Variants in AUH observed in about 807,000 individuals in gnomAD.
AUH encodes the protein methylglutaconyl-CoA hydratase, mitochondrial.
In AUH, 29 loss-of-function variants were observed where a neutral mutation model predicts 42.3. The ratio of observed to expected loss-of-function variants is 0.69; its 90% confidence interval spans 0.51 to 0.93. The LOEUF (loss-of-function observed/expected upper bound fraction) is 0.93. AUH is among the 40% of genes least tolerant of loss of function. The pLI is 0.00. For synonymous variants in AUH, 174 were observed against 166.4 expected (o/e 1.05, Z -0.35); for missense variants, 452 against 438.1 (o/e 1.03, Z -0.28).
At chr9:91,324,037 A>G (rs2387870) in intron 4 of AUH, among the ~76,000 whole-genome samples, 1 of 152,216 alleles carries the variant, frequency 6.6e-6, no homozygotes, top group African/African-American at 2.4e-5. Context: ...ACCTAGCATC[A>G]TCTAGATATT....
rs1166119061 is a variant in AUH at position 91,227,159 on chromosome 9, C to T, written c.656-6167G>A. On this transcript the variant is annotated intron_variant, in intron 6 of 9. Transcript: ENST00000375731. ...ACCTTGGGCAGTATGGCCATTTTCA[C>T]GATATTGATTCTTCCTACCCATGAG... Among the ~76,000 whole-genome samples the T allele has an allele frequency of 1.2e-4, 18 of 150,812 alleles. 1 individual carries two copies. The South Asian group carries it at 3.2e-3, about 26-fold the overall frequency.
At chr9:91,238,933 T>C (rs1250077643) in intron 6 of AUH, among the ~76,000 whole-genome samples, 1 of 152,220 alleles carries the variant, frequency 6.6e-6, no homozygotes, top group Non-Finnish European at 1.5e-5. Flanking sequence ...TCCCCTTTCC[T>C]CCAAGACCAA....
At chr9:91,312,723 C>CT (rs994878029) in intron 4 of AUH, among the ~76,000 whole-genome samples, 6 of 152,000 alleles carry the variant, frequency 3.9e-5, no homozygotes, top group East Asian at 3.9e-4. Context: ...GGGACCCTAT[C>CT]TTTTTTTTAA....
At chr9:91,284,910 C>T (rs1043942065) in intron 6 of AUH, among the ~76,000 whole-genome samples, 1 of 152,190 alleles carries the variant, frequency 6.6e-6, no homozygotes, top group African/African-American at 2.4e-5. Context: ...GGCAATTCCT[C>T]AGGGATCTAG....
chr9:91,296,379 G>A (rs940861553), intron 5 of AUH, among the ~76,000 whole-genome samples: 1 of 152,094 alleles, frequency 6.6e-6, no homozygotes, highest in African/African-American at 2.4e-5. Flanking sequence ...CATATTTGGA[G>A]GCATAGATCT....
chr9:91,299,326 A>AAAATTTGCTGAAGTAAATTTTACAAGT (rs1441448023), intron 4 of AUH, among the ~76,000 whole-genome samples: 1 of 152,224 alleles, frequency 6.6e-6, no homozygotes, highest in Non-Finnish European at 1.5e-5. Flanking sequence ...GACTCCTTTT[A>AAAATTTGCTGAAGTAAATTTTACAAGT]AAATATACAA....
intron 4 of AUH, among the ~76,000 whole-genome samples, chr9:91,313,522 G>C (rs1182869116): frequency 6.6e-6 from 1 of 151,692 alleles, no homozygotes; most frequent in Non-Finnish European, 1.5e-5. Context: ...TGGCTAACAA[G>C]GTGAAACCCC....
intron 6 of AUH, among the ~76,000 whole-genome samples, chr9:91,222,165 AC>A (rs919998909): frequency 1.3e-5 from 2 of 152,154 alleles, no homozygotes; most frequent in African/African-American, 4.8e-5. Flanking sequence ...TAAAAAAAAA[AC>A]CAATTTACCT....
Position 91,242,302 on chromosome 9 carries a change from T to C in AUH, c.656-21310A>G, listed in dbSNP as rs530146949. Among the ~76,000 whole-genome samples the C allele has an allele frequency of 2.0e-4, 31 of 152,326 alleles. No individual in the cohort carries two copies. The South Asian group carries it at 5.0e-3, about 24-fold the overall frequency. The stretch of plus-strand genomic sequence containing the variant: ...GGCTGCCTACCATGAGGACAAAGAT[T>C]GATCAAGCAGCACACACTGTAAGGA... On this transcript the variant is annotated intron_variant, in intron 6 of 9. Coordinates refer to ENST00000375731, the MANE Select transcript of AUH (RefSeq NM_001698.3).
chr9:91,338,790 T>C (rs974991563), intron 3 of AUH, among the ~76,000 whole-genome samples: 1 of 152,266 alleles, frequency 6.6e-6, no homozygotes, highest in African/African-American at 2.4e-5. Context: ...GTTGAACAAA[T>C]AGGTATAGCC....
intron 6 of AUH, among the ~76,000 whole-genome samples, chr9:91,263,565 C>T (rs1829812966): frequency 1.3e-5 from 2 of 152,114 alleles, no homozygotes; most frequent in Non-Finnish European, 2.9e-5. Flanking sequence ...TAGTGAAACG[C>T]CAAATTAGGA....
chr9:91,217,582 A>G lies in AUH; in HGVS notation c.844-255T>C, dbSNP rs573455764. Among the ~76,000 whole-genome samples, 127 of 152,304 alleles carry G rather than the reference A, an allele frequency of 8.3e-4. 2 individuals are homozygous for G. The South Asian group carries it at 0.025, about 30-fold the overall frequency. On this transcript the variant is annotated intron_variant, in intron 7 of 9. Coordinates refer to ENST00000375731, the MANE Select transcript of AUH (RefSeq NM_001698.3). ...TCCGGATCCTTAAAGGTGAGCAGGT[A>G]GTGCATGTCCAGCTGTGAGCTTGCT...
In AUH at chr9:91,313,820, GCT is replaced by G. The variant is rs71850850; in HGVS notation, c.505+11496_505+11497del. Reference sequence around the variant, plus strand: ...TCTGTGCAGTATCTGGTCCATAAACGCTCTTTTTTTTTTTTTTTTGAGACCGA... The same window carrying G: ...TCTGTGCAGTATCTGGTCCATAAACGCTTTTTTTTTTTTTTTTGAGACCGA... On this transcript the variant is annotated intron_variant, in intron 4 of 9. Coordinates refer to ENST00000375731, the MANE Select transcript of AUH (RefSeq NM_001698.3). 1.0e-3 allele frequency among the ~76,000 whole-genome samples: 133 copies of G among 128,794 alleles called. 8 individuals carry two copies. The highest frequency in any genetic ancestry group is 8.5e-3 in the South Asian group (35 of 4,112). The allele number at this position is 128,794 out of a possible 152,430, so 84.5% of individuals were successfully genotyped here.
chr9:91,356,290 A>C, intron 1 of AUH, 135 bp from the exon 2 acceptor site: 1 of 753,832 alleles, frequency 1.3e-6, no homozygotes, highest in Admixed American at 2.2e-5. Flanking sequence ...CCTTCAATCG[A>C]TCTCTTCTTA....
rs78421223 is a variant in AUH at position 91,216,606 on chromosome 9, G to T, written c.895-500C>A. On this transcript the variant is annotated intron_variant, in intron 8 of 9. Transcript: ENST00000375731. ...TGTTATACAGTATTGACTGTATAAAGTCAATCTCTTTTTACTGCTATACAG... is the reference window on the plus strand; with the variant it reads ...TGTTATACAGTATTGACTGTATAAATTCAATCTCTTTTTACTGCTATACAG... Among the ~76,000 whole-genome samples, 31 of 152,274 alleles carry T rather than the reference G, an allele frequency of 2.0e-4. No individual in the cohort carries two copies. In the East Asian group the frequency reaches 5.0e-3, roughly 25 times the overall value.
chr9:91,298,470 T>TA (rs1827524453), intron 4 of AUH, among the ~76,000 whole-genome samples: 1 of 152,216 alleles, frequency 6.6e-6, no homozygotes, highest in African/African-American at 2.4e-5. Context: ...TATGATCCTT[T>TA]ATGGGCTACT....
At chr9:91,263,937 A>G (rs1488378639) in intron 6 of AUH, among the ~76,000 whole-genome samples, 1 of 152,172 alleles carries the variant, frequency 6.6e-6, no homozygotes, top group Non-Finnish European at 1.5e-5. Flanking sequence ...CACCAAGTCC[A>G]CCATGTATAT....
chr9:91,282,602 C>A (rs144688768), intron 6 of AUH, among the ~76,000 whole-genome samples: 58 of 152,322 alleles, frequency 3.8e-4, no homozygotes, highest in Non-Finnish European at 8.2e-4. Context: ...ACCCACCTTG[C>A]AGGACATGTC....
chr9:91,328,574 G>A (rs1826907326), intron 3 of AUH, among the ~76,000 whole-genome samples: 1 of 152,114 alleles, frequency 6.6e-6, no homozygotes, highest in Non-Finnish European at 1.5e-5. Flanking sequence ...GAAGTGGGGA[G>A]ACAAACACTG....
Sources: gnomAD v4.1 joint callset for allele counts (sites outside exome capture counted in the v4.1 genomes callset) on GRCh38, gnomAD v4.1.1 for gene constraint, MANE v1.5 for transcripts, NCBI Gene and HGNC (gene_info 2026-07-23, HGNC 2026-07-21) for gene names.